The following LYST variants were observed in gnomAD, a reference collection of about 807,000 sequenced individuals.
LYST encodes the protein lysosomal-trafficking regulator.
Under a neutral mutation model 413.6 loss-of-function variants are expected in LYST, and 192 were observed. The observed-to-expected ratio is 0.46, with a 90% CI of 0.41 to 0.52. The LOEUF is 0.52. LYST is among the 20% of genes least tolerant of loss of function. The pLI, the probability that LYST is intolerant of heterozygous loss-of-function variation, is 0.00. For missense variants in LYST, 3,815 were observed against 4,499.9 expected, an observed-to-expected ratio of 0.85 and a Z score of 4.35; for synonymous variants, 1,525 against 1,567.3, an observed-to-expected ratio of 0.97 and a Z score of 0.64.
chr1:235,702,887 G>A lies in LYST; in HGVS notation c.10234C>T (p.Arg3412Cys), dbSNP rs777823080. 5.6e-6 allele frequency: 9 copies of A among 1,614,018 alleles called. No individual in the cohort carries two copies. In the East Asian group the frequency reaches 6.7e-5, roughly 12 times the overall value. The change falls in exon 45 of 53, where the codon CGT becomes TGT. Residue 3412 changes from arginine to cysteine, a missense_variant. By Grantham distance (180) the Arg-to-Cys change is radical. Coordinates refer to ENST00000389793, the MANE Select transcript of LYST (RefSeq NM_000081.4). The part of the protein sequence containing the change: ...TMIKTYGQTP[R>C]QLFHMAHVSR... ...ACATGGGCCATGTGGAACAGCTGAC[G>A]GGGAGTCTGCCCGTAGGTTTTTATC...
chr1:235,784,707 C>T (rs1227807417), intron 14 of LYST, among the ~76,000 whole-genome samples: 1 of 152,124 alleles, frequency 6.6e-6, no homozygotes, highest in African/African-American at 2.4e-5. Flanking sequence ...GTGCCTAATA[C>T]AGTGCCTGGC....
intron 21 of LYST, among the ~76,000 whole-genome samples, chr1:235,764,954 T>C (rs1667985716): frequency 6.6e-6 from 1 of 152,220 alleles, no homozygotes; most frequent in South Asian, 2.1e-4. Flanking sequence ...TCTTTCTCTT[T>C]TACTGATTCT....
chr1:235,810,293 T>C lies in LYST; in HGVS notation c.525A>G (p.Lys175=). 6.2e-7 allele frequency: 1 copy of C among 1,613,886 alleles called. No individual in the cohort carries two copies. The highest frequency in any genetic ancestry group is 8.5e-7 in the Non-Finnish European group (1 of 1,179,782). The stretch of plus-strand genomic sequence containing the variant: ...TTCTATGCTTATTCATTGCTATGCC[T>C]TTTTCATCTGAATTGGCTTCTGAAT... The part of the protein sequence containing the change: ...TSDSEANSDE[K]GIAMNKHRRP... The change falls in exon 5 of 53, where the codon AAA becomes AAG. Residue 175 remains lysine (K), a synonymous_variant. Coordinates refer to ENST00000389793, the MANE Select transcript of LYST (RefSeq NM_000081.4).
At chr1:235,783,929 A>C (rs1377863455) in intron 14 of LYST, among the ~76,000 whole-genome samples, 1 of 151,766 alleles carries the variant, frequency 6.6e-6, no homozygotes, top group Non-Finnish European at 1.5e-5. Context: ...ACCCAGGCTG[A>C]AGTGCAGGGG....
At position 235,686,597 on chromosome 1, in the gene LYST, GGACA is replaced by G. The variant is rs1258765382; in HGVS notation, c.10800+348_10800+351del. On this transcript the variant is annotated intron_variant, in intron 48 of 52. Transcript: ENST00000389793. This position sits in a 1 kb window ranked among gnomAD's most constrained non-coding sequence, Gnocchi z 4.0. ...TTTACCCAGAGGTTATCGGAATGTTGGACATTAGGGTTTCTAAGCTTTCAAACTG... is the reference window on the plus strand; with the variant it reads ...TTTACCCAGAGGTTATCGGAATGTTGTTAGGGTTTCTAAGCTTTCAAACTG... Among the ~76,000 whole-genome samples the G allele has an allele frequency of 6.6e-6, 1 of 152,136 alleles. No homozygotes were observed. Among genetic ancestry groups the G allele is most frequent in the African/African-American group, 2.4e-5 (1 of 41,432 alleles).
At chr1:235,875,332 G>A (rs1020679908) in intron 1 of LYST, among the ~76,000 whole-genome samples, 2 of 152,150 alleles carry the variant, frequency 1.3e-5, no homozygotes, top group Non-Finnish European at 2.9e-5. Context: ...CATGTTCCAT[G>A]TTGCTTAAAA....
intron 4 of LYST, among the ~76,000 whole-genome samples, chr1:235,812,019 C>T (rs1267517481): frequency 6.6e-6 from 1 of 151,534 alleles, no homozygotes; most frequent in African/African-American, 2.4e-5. Context: ...TTTTTTTTAA[C>T]CTGAGAGATC....
intron 2 of LYST, among the ~76,000 whole-genome samples, chr1:235,832,517 T>C (rs1353842128): frequency 1.3e-5 from 2 of 152,210 alleles, no homozygotes; most frequent in East Asian, 1.9e-4. Flanking sequence ...TACATGTTTA[T>C]ATGAATAGGT....
chr1:235,880,420 T>C (rs12751360), intron 1 of LYST, among the ~76,000 whole-genome samples: 36,285 of 137,186 alleles, frequency 0.26, 5,127 homozygotes, highest in Middle Eastern at 0.37. Flanking sequence ...AAGGATCCTG[T>C]GTTGATTTAT....
chr1:235,803,449 C>T (rs188336491), intron 7 of LYST, among the ~76,000 whole-genome samples: 1 of 152,070 alleles, frequency 6.6e-6, no homozygotes, highest in East Asian at 1.9e-4. Flanking sequence ...AAGATTTTTT[C>T]ATAAGGATTT....
intron 3 of LYST, among the ~76,000 whole-genome samples, chr1:235,816,735 A>G (rs1466087061): frequency 5.9e-5 from 9 of 152,196 alleles, no homozygotes; most frequent in African/African-American, 2.2e-4. Context: ...GATGGAACAG[A>G]ATAAAGAGCC....
chr1:235,677,206 T>C lies in LYST; in HGVS notation c.10941-18A>G, dbSNP rs370447638. 3.0e-5 allele frequency: 46 copies of C among 1,523,776 alleles called. No individual in the cohort carries two copies. The highest frequency in any genetic ancestry group is 1.2e-4 in the South Asian group (11 of 89,228). 94.4% of individuals were successfully genotyped at this position (1,523,776 alleles called of 1,614,324 possible). ...AGCATAACCTGAAAGAAAAAAGACA[T>C]GAATTTGTATATGATCATTAAATAT... On this transcript the variant is annotated intron_variant, in intron 49 of 52. Transcript: ENST00000389793.
intron 1 of LYST, among the ~76,000 whole-genome samples, chr1:235,839,219 T>C (rs1676924819): frequency 6.6e-6 from 1 of 152,048 alleles, no homozygotes; most frequent in African/African-American, 2.4e-5. Context: ...TCCTATTCTA[T>C]AGGTTTTATA....
chr1:235,767,389 CA>C (rs1162361679), intron 20 of LYST, among the ~76,000 whole-genome samples: 3 of 152,102 alleles, frequency 2.0e-5, no homozygotes, highest in African/African-American at 7.2e-5. Context: ...GAAGAAAACA[CA>C]AAACTCCTTT....
chr1:235,764,495 C>CTTTTTTTTTTTTTTTTTTTTTTTTT (rs1020736833), intron 21 of LYST, among the ~76,000 whole-genome samples: 3 of 97,948 alleles, frequency 3.1e-5, no homozygotes, highest in African/African-American at 9.0e-5. Context: ...TTTTTCTTTT[C>CTTTTTTTTTTTTTTTTTTTTTTTTT]TTTTTTTTTT....
At position 235,787,819 on chromosome 1, in the gene LYST, G is replaced by A. The variant is rs560621004; in HGVS notation, c.4689-446C>T. Among the ~76,000 whole-genome samples the A allele has an allele frequency of 4.6e-5, 7 of 152,148 alleles. No individual in the cohort carries two copies. The South Asian group carries it at 6.2e-4, about 14-fold the overall frequency. On this transcript the variant is annotated intron_variant, in intron 13 of 52. Transcript: ENST00000389793. ...TAAGGCACCTAGTAATGTTTGTAAC[G>A]TTTACAAAGTATATATTCCTAAATA...
chr1:235,755,423 G>GAAAAC (rs1481160461), intron 25 of LYST, 55 bp downstream of exon 25: 16 of 1,417,896 alleles, frequency 1.1e-5, no homozygotes, highest in African/African-American at 1.7e-5. Context: ...GAAAAGAAAA[G>GAAAAC]AAAAGAAAAA....
chr1:235,837,842 A>G (rs1676735711), intron 1 of LYST, among the ~76,000 whole-genome samples: 1 of 152,070 alleles, frequency 6.6e-6, no homozygotes, highest in Admixed American at 6.5e-5. Flanking sequence ...TGATGGCTTG[A>G]GGAGGACATG....
chr1:235,804,553 A>C lies in LYST; in HGVS notation c.3506T>G (p.Leu1169Arg). 6.2e-7 allele frequency: 1 copy of C among 1,613,632 alleles called. No individual in the cohort carries two copies. Among genetic ancestry groups the C allele is most frequent in the Non-Finnish European group, 8.5e-7 (1 of 1,179,558 alleles). Residue 1169 changes from leucine to arginine, a missense_variant, in exon 7 of 53, where the codon CTC becomes CGC. This residue lies in a region of LYST where 1,648 missense variants were observed against 1,810.3 expected (regional missense o/e 0.91). Transcript: ENST00000389793. ...TTCAAAATCTGCTGAATAATTCCCG[A>C]GGGCAACTCGAAGCAGGGCATCAAA... ...PLFDALLRVA[L>R]GNYSADFEHN...
Sources: gnomAD v4.1 joint callset for allele counts (sites outside exome capture counted in the v4.1 genomes callset) on GRCh38, gnomAD v4.1.1 for gene constraint, gnomAD v4.1.1 regional missense constraint, Gnocchi (gnomAD v3.1) non-coding constraint, MANE v1.5 for transcripts, NCBI Gene and HGNC (gene_info 2026-07-23, HGNC 2026-07-21) for gene names.